Variants in CABLES1 observed in about 807,000 individuals in gnomAD.
The protein encoded by CABLES1 is CDK5 and ABL1 enzyme substrate 1.
A neutral mutation model predicts 57.8 loss-of-function variants in CABLES1; 36 were observed. That is an observed-to-expected ratio of 0.62 (90% CI 0.48 to 0.82). CABLES1 has a LOEUF of 0.82. Ranked by LOEUF, CABLES1 falls within the 40% of genes least tolerant of loss-of-function variation. The pLI is 0.00. For missense variants in CABLES1, 767 were observed against 836.6 expected (o/e 0.92, Z 1.03); for synonymous variants, 374 against 363.0 (o/e 1.03, Z -0.35).
chr18:23,214,041 A>G lies in CABLES1; in HGVS notation c.1075A>G (p.Ser359Gly). Reference protein sequence around the residue: ...SIFSVLPYRDSTQVGDLKLDG... With the variant: ...SIFSVLPYRDGTQVGDLKLDG... ...ATTTTCAGTGCTGCCGTATCGCGAC[A>G]GTACCCAAGTCGGGTATGTATATGC... Residue 359 changes from serine (S) to glycine (G), a missense_variant, in exon 4 of 10, where the codon AGT (serine) becomes GGT (glycine). Transcript: ENST00000256925. 6.2e-7 allele frequency: 1 copy of G among 1,612,370 alleles called. No homozygotes were observed. The highest frequency in any genetic ancestry group is 8.5e-7 in the Non-Finnish European group (1 of 1,178,688).
chr18:23,231,495 T>TA (rs2047566857), intron 4 of CABLES1, among the ~76,000 whole-genome samples: 1 of 152,194 alleles, frequency 6.6e-6, no homozygotes, highest in African/African-American at 2.4e-5. Context: ...CTTATTTTCT[T>TA]ACTCGGCTTA....
At chr18:23,203,419 G>A (rs1164619579) in intron 3 of CABLES1, among the ~76,000 whole-genome samples, 5 of 151,272 alleles carry the variant, frequency 3.3e-5, no homozygotes, top group Non-Finnish European at 5.9e-5. Context: ...AACTGAGCCA[G>A]AGTGTTTTCT....
intron 7 of CABLES1, among the ~76,000 whole-genome samples, chr18:23,250,993 T>C (rs1057334443): frequency 6.6e-6 from 1 of 152,248 alleles, no homozygotes; most frequent in Admixed American, 6.5e-5. Flanking sequence ...ATGTCTGTGC[T>C]AAAATCCTGT....
chr18:23,198,231 G>A (rs1269276428), intron 3 of CABLES1: 1 of 152,194 alleles, frequency 6.6e-6, no homozygotes, highest in Non-Finnish European at 1.5e-5. Context: ...CTACACTCCA[G>A]CCTGGGTGAC....
At chr18:23,168,874 A>G (rs2047061955) in intron 1 of CABLES1, among the ~76,000 whole-genome samples, 1 of 152,182 alleles carries the variant, frequency 6.6e-6, no homozygotes, top group East Asian at 1.9e-4. Flanking sequence ...TAAGTGTCAG[A>G]GGCATTTGAG....
At chr18:23,238,094 T>C (rs957631648) in intron 7 of CABLES1, among the ~76,000 whole-genome samples, 3 of 152,258 alleles carry the variant, frequency 2.0e-5, no homozygotes, top group African/African-American at 7.2e-5. Flanking sequence ...GAGCGCTTCC[T>C]CCTCTGGTTC....
intron 9 of CABLES1, among the ~76,000 whole-genome samples, chr18:23,255,556 GAT>G (rs2048142539): frequency 7.0e-6 from 1 of 142,906 alleles, no homozygotes; most frequent in Non-Finnish European, 1.5e-5. Context: ...CTGAACTAAT[GAT>G]TTTTTTTTTT....
chr18:23,220,500 T>G (rs1292573763), intron 4 of CABLES1, among the ~76,000 whole-genome samples: 1 of 152,126 alleles, frequency 6.6e-6, no homozygotes, highest in Non-Finnish European at 1.5e-5. Flanking sequence ...TGCCCTGTTG[T>G]GTTTGCTGCT....
At chr18:23,171,956 T>C (rs760203336) in intron 1 of CABLES1, among the ~76,000 whole-genome samples, 26 of 151,962 alleles carry the variant, frequency 1.7e-4, no homozygotes, top group Non-Finnish European at 2.1e-4. Context: ...TGAGACAGAG[T>C]CTCACCCAGG....
intron 1 of CABLES1, among the ~76,000 whole-genome samples, chr18:23,147,533 G>A (rs1454308416): frequency 1.3e-5 from 2 of 152,224 alleles, no homozygotes; most frequent in Non-Finnish European, 2.9e-5. Context: ...CCAAGAAGCC[G>A]TTGAGAAATT....
At chr18:23,181,302 T>G (rs919579301) in intron 1 of CABLES1, among the ~76,000 whole-genome samples, 17 of 149,504 alleles carry the variant, frequency 1.1e-4, no homozygotes, top group African/African-American at 4.2e-4. Context: ...AGGACCAGAC[T>G]GGCCAACATG....
chr18:23,182,765 G>A (rs1037975341), intron 1 of CABLES1, among the ~76,000 whole-genome samples: 3 of 152,200 alleles, frequency 2.0e-5, no homozygotes, highest in Non-Finnish European at 2.9e-5. Context: ...GTTGTCCTTC[G>A]GACTGAGCTG....
intron 1 of CABLES1, among the ~76,000 whole-genome samples, chr18:23,168,707 T>A (rs1417564969): frequency 6.6e-6 from 1 of 151,908 alleles, no homozygotes; most frequent in Non-Finnish European, 1.5e-5. Context: ...GGCAGAAGGG[T>A]CCTGCGGCCA....
intron 3 of CABLES1, among the ~76,000 whole-genome samples, chr18:23,213,369 G>GTT (rs750575363): frequency 1.3e-5 from 2 of 151,030 alleles, no homozygotes; most frequent in Admixed American, 6.6e-5. Context: ...TTGTTTTAAT[G>GTT]TTTTTTTTTA....
At chr18:23,204,935 G>A (rs975027262) in intron 3 of CABLES1, among the ~76,000 whole-genome samples, 1 of 152,232 alleles carries the variant, frequency 6.6e-6, no homozygotes, top group Non-Finnish European at 1.5e-5. Context: ...TACAATTCAA[G>A]ATGAGATTTG....
intron 4 of CABLES1, among the ~76,000 whole-genome samples, chr18:23,226,042 G>C (rs1388844507): frequency 1.3e-5 from 2 of 152,234 alleles, no homozygotes; most frequent in Admixed American, 1.3e-4. Context: ...TAGGGGAAAG[G>C]GTCCTGGAGT....
chr18:23,187,704 A>T (rs1204258950), intron 1 of CABLES1, among the ~76,000 whole-genome samples: 2 of 151,790 alleles, frequency 1.3e-5, no homozygotes, highest in Non-Finnish European at 2.9e-5. Flanking sequence ...TTTTTTTTTT[A>T]AAGGATTTGA....
chr18:23,177,305 C>G (rs913335641), intron 1 of CABLES1, among the ~76,000 whole-genome samples: 9 of 151,800 alleles, frequency 5.9e-5, no homozygotes, highest in Non-Finnish European at 1.2e-4. Context: ...GGAGGTAACT[C>G]TGGCCCCCTG....
At position 23,210,755 on chromosome 18, in the gene CABLES1, T is replaced by A. The variant is rs181989678; in HGVS notation, c.1011-3222T>A. ...TGCCAGAACTACTTCAGGAAACACGTATGATGTGTTCTTGGAAGCTCCATT... is the reference window on the plus strand; with the variant it reads ...TGCCAGAACTACTTCAGGAAACACGAATGATGTGTTCTTGGAAGCTCCATT... On this transcript the variant is annotated intron_variant, in intron 3 of 9. Transcript: ENST00000256925. 1.0e-3 allele frequency among the ~76,000 whole-genome samples: 156 copies of A among 152,232 alleles called. 1 individual carries two copies. The highest frequency in any genetic ancestry group is 2.9e-3 in the Admixed American group (44 of 15,290).
Sources: gnomAD v4.1 joint callset for allele counts (sites outside exome capture counted in the v4.1 genomes callset) on GRCh38, gnomAD v4.1.1 for gene constraint, MANE v1.5 for transcripts, NCBI Gene and HGNC (gene_info 2026-07-23, HGNC 2026-07-21) for gene names.